Variants in LONP1 observed in about 807,000 individuals in gnomAD.
LONP1 encodes the protein lon peptidase 1, mitochondrial.
A neutral mutation model predicts 98.5 loss-of-function variants in LONP1; 31 were observed. That is an observed-to-expected ratio of 0.31 (90% confidence interval 0.24 to 0.42). The LOEUF (loss-of-function observed/expected upper bound fraction) is 0.42, where lower values mean the gene tolerates loss of function less well. LONP1 is among the 20% of genes least tolerant of loss of function. The probability of loss-of-function intolerance (pLI) is 1.00; values close to 1 mark genes in which losing one functional copy is unlikely to be tolerated. For missense variants in LONP1, 1,336 were observed against 1,350.6 expected, an observed-to-expected ratio of 0.99 and a Z score of 0.17; for synonymous variants, 781 against 594.7, an observed-to-expected ratio of 1.31 and a Z score of -4.56.
chr19:5,714,606 A>G (rs1599479904), intron 1 of LONP1, among the ~76,000 whole-genome samples: 1 of 139,154 alleles, frequency 7.2e-6, no homozygotes, highest in East Asian at 2.2e-4. Flanking sequence ...AACGCAGCAC[A>G]GGGTAGCTTT....
chr19:5,707,231 G>T, intron 6 of LONP1, 88 bp from the exon 7 acceptor site: 1 of 1,067,118 alleles, frequency 9.4e-7, no homozygotes, highest in Non-Finnish European at 1.4e-6. Flanking sequence ...CGCACCCTGA[G>T]AGATGCTGCC....
In LONP1 at chr19:5,711,980, C is replaced by T. The variant is rs758815144; in HGVS notation, c.661G>A (p.Glu221Lys). Residue 221 changes from glutamate to lysine, a missense_variant, in exon 4 of 18, where the codon GAG becomes AAG. By Grantham distance (56) the Glu-to-Lys change is moderately conservative. This residue lies in a region of LONP1 where 457 missense variants were observed against 403.1 expected (regional missense o/e 1.13). Transcript: ENST00000360614. Reference protein sequence around the residue: ...HRRVHISRQLEVEPEEPEAEN... With the variant: ...HRRVHISRQLKVEPEEPEAEN... ...GCCTCCGGCTCCTCGGGCTCCACCT[C>T]CAGCTGTCTGCTGATATGGACTCTG... 1.1e-4 allele frequency: 179 copies of T among 1,613,056 alleles called. No homozygotes were observed. Among genetic ancestry groups the T allele is most frequent in the Non-Finnish European group, 1.4e-4 (168 of 1,179,912 alleles).
chr19:5,719,818 T>C lies in LONP1; in HGVS notation c.315A>G (p.Glu105=), dbSNP rs538847637. 6.2e-7 allele frequency: 1 copy of C among 1,610,762 alleles called. No individual in the cohort carries two copies. The highest frequency in any genetic ancestry group is 1.3e-5 in the African/African-American group (1 of 74,834). Residue 105 remains glutamate, a synonymous_variant, in exon 1 of 18, where the codon GAA becomes GAG. Coordinates refer to ENST00000360614, the MANE Select transcript of LONP1 (RefSeq NM_004793.4). ...GGAGGSAGAG[E]GPVITALTPM... ...GCGTGAGCGCCGTTATGACCGGGCCTTCCCCGGCGCCCGCGCTGCCCCCCG... is the reference window on the plus strand; with the variant it reads ...GCGTGAGCGCCGTTATGACCGGGCCCTCCCCGGCGCCCGCGCTGCCCCCCG...
At position 5,706,005 on chromosome 19, in the gene LONP1, G is replaced by A. The variant is rs781253680; in HGVS notation, c.1147-13C>T. 9 of 1,600,032 alleles carry A rather than the reference G, an allele frequency of 5.6e-6. No homozygotes were observed. Among genetic ancestry groups the A allele is most frequent in the South Asian group, 1.1e-5 (1 of 90,870 alleles). On this transcript the variant is annotated splice_polypyrimidine_tract_variant and intron_variant, in intron 7 of 17. Coordinates refer to ENST00000360614, the MANE Select transcript of LONP1 (RefSeq NM_004793.4). ...TCTTCTCCTCCACCTGTGGGGTGAG[G>A]TGCTGCCATCAGGCCCTGGCTCCGG...
chr19:5,698,482 G>A (rs186737088), intron 10 of LONP1, among the ~76,000 whole-genome samples: 231 of 152,338 alleles, frequency 1.5e-3, no homozygotes, highest in African/African-American at 5.1e-3. Context: ...GTGGGAGGGC[G>A]CTGAACTCTG....
chr19:5,697,024 T>G (rs942908851), intron 10 of LONP1, among the ~76,000 whole-genome samples: 14 of 152,044 alleles, frequency 9.2e-5, no homozygotes, highest in Admixed American at 7.2e-4. Context: ...GACACCATGG[T>G]GAAAGCCAGA....
chr19:5,711,804 G>A lies in LONP1; in HGVS notation c.837C>T (p.Val279=), dbSNP rs919229577. Residue 279 remains valine (V), a synonymous_variant, in exon 4 of 18, where the codon GTC becomes GTT. Coordinates refer to ENST00000360614, the MANE Select transcript of LONP1 (RefSeq NM_004793.4). The part of the protein sequence containing the change: ...EVLMVEVENV[V]HEDFQVTEEV... ...CCTCCGTGACCTGGAAGTCCTCGTG[G>A]ACAACGTTCTCTACCTCCACCATGA... The A allele has an allele frequency of 6.2e-7, 1 of 1,611,540 alleles. No homozygotes were observed. The highest frequency in any genetic ancestry group is 1.3e-5 in the African/African-American group (1 of 74,914).
At chr19:5,720,376 G>C (rs1368587063), upstream of LONP1, 6 of 614,480 alleles carry the variant, frequency 9.8e-6, no homozygotes, top group Non-Finnish European at 1.3e-5. Flanking sequence ...GTGAGCAGGC[G>C]CCAGCGCCCG....
chr19:5,705,622 CAG>C (rs2055132285), intron 8 of LONP1, 148 bp downstream of exon 8: 1 of 636,474 alleles, frequency 1.6e-6, no homozygotes, highest in Non-Finnish European at 2.8e-6. Flanking sequence ...CTGCCCAGAA[CAG>C]GGCTGATACT....
At chr19:5,705,483 C>T (rs2055129774) in intron 8 of LONP1, among the ~76,000 whole-genome samples, 1 of 151,690 alleles carries the variant, frequency 6.6e-6, no homozygotes, top group East Asian at 1.9e-4. Flanking sequence ...AAAAAGCAGC[C>T]CTGGCTTAGA....
intron 10 of LONP1, among the ~76,000 whole-genome samples, chr19:5,698,761 G>A (rs565850853): frequency 2.4e-4 from 37 of 152,320 alleles, no homozygotes; most frequent in Non-Finnish European, 3.8e-4. Context: ...TGGAACTACC[G>A]GGGGTGTCTG....
Position 5,692,010 on chromosome 19 carries a change from G to C in LONP1, c.*22C>G, listed in dbSNP as rs201395142. On this transcript the variant is annotated 3_prime_UTR_variant, in exon 18 of 18. Coordinates refer to ENST00000360614, the MANE Select transcript of LONP1 (RefSeq NM_004793.4). ...GCCCAGACAGGGCCTGACATCCGCCGCCTGCAGTCCCGGGGTGGCCGTCAC... is the reference window on the plus strand; with the variant it reads ...GCCCAGACAGGGCCTGACATCCGCCCCCTGCAGTCCCGGGGTGGCCGTCAC... 3.0e-6 allele frequency: 3 copies of C among 989,982 alleles called. No homozygotes were observed. The highest frequency in any genetic ancestry group is 5.2e-5 in the East Asian group (2 of 38,696). The allele number at this position is 989,982 out of a possible 1,614,324, so 61.3% of individuals were successfully genotyped here. A position where few individuals can be genotyped will look rare whatever the true frequency, so the allele number is the denominator to read the frequency against.
rs1392409674 is a variant in LONP1 at position 5,696,211 on chromosome 19, C to CCT, written c.1896+36_1896+37dup. On this transcript the variant is annotated intron_variant, in intron 12 of 17. Coordinates refer to ENST00000360614, the MANE Select transcript of LONP1 (RefSeq NM_004793.4). ...AGGTGCTGGGGGACTGGCCGCTTAC[C>CCT]CTCCCCAGCAAGCCCAGGCCCCAGA... 5.0e-6 allele frequency: 8 copies of CCT among 1,612,760 alleles called. No homozygotes were observed. In the South Asian group the frequency reaches 8.8e-5, roughly 18 times the overall value.
chr19:5,715,899 ACTTC>A (rs1196900559), intron 1 of LONP1, among the ~76,000 whole-genome samples: 3 of 151,774 alleles, frequency 2.0e-5, no homozygotes, highest in Non-Finnish European at 2.9e-5. Context: ...ATTGACAGTT[ACTTC>A]CTTATCACAT....
intron 10 of LONP1, among the ~76,000 whole-genome samples, chr19:5,698,765 G>T (rs66909636): frequency 1.3e-5 from 2 of 152,146 alleles, no homozygotes; most frequent in African/African-American, 4.8e-5. Context: ...ACTACCGGGG[G>T]TGTCTGCTGA....
At chr19:5,706,602 G>A (rs910907471) in intron 7 of LONP1, among the ~76,000 whole-genome samples, 1 of 152,056 alleles carries the variant, frequency 6.6e-6, no homozygotes, top group Non-Finnish European at 1.5e-5. Flanking sequence ...CTGAGACCCT[G>A]TCTTAAAGTA....
At chr19:5,701,023 C>A in intron 8 of LONP1, 96 bp from the exon 9 acceptor site, 2 of 1,421,004 alleles carry the variant, frequency 1.4e-6, no homozygotes, top group Non-Finnish European at 2.0e-6. Flanking sequence ...GCTTGAAACC[C>A]ATGTGTGGGG....
rs371793819 is a variant in LONP1, at chr19:5,696,246, C to A, written c.1896+3G>T. The A allele has an allele frequency of 1.6e-5, 26 of 1,613,082 alleles. No homozygotes were observed. In the Middle Eastern group the frequency reaches 2.5e-3, roughly 153 times the overall value. On this transcript the variant is annotated splice_donor_region_variant and intron_variant, in intron 12 of 17. Transcript: ENST00000360614. The stretch of plus-strand genomic sequence containing the variant: ...AAGCCCAGGCCCCAGACAGGCCCCC[C>A]ACCTTGGACAAGTCCACGGGCACGT...
intron 8 of LONP1, among the ~76,000 whole-genome samples, chr19:5,704,875 C>T (rs2055118058): frequency 6.6e-6 from 1 of 152,230 alleles, no homozygotes; most frequent in South Asian, 2.1e-4. Context: ...GAAGGCCTGG[C>T]TTAGGCCAGG....
Sources: gnomAD v4.1 joint callset for allele counts (sites outside exome capture counted in the v4.1 genomes callset) on GRCh38, gnomAD v4.1.1 for gene constraint, gnomAD v4.1.1 regional missense constraint, MANE v1.5 for transcripts, NCBI Gene and HGNC (gene_info 2026-07-23, HGNC 2026-07-21) for gene names.